Variants in COA1 observed in about 807,000 individuals in gnomAD.
The protein encoded by COA1 is cytochrome c oxidase assembly factor 1 homolog.
COA1 carries 13 observed loss-of-function variants against 16.0 expected under a neutral mutation model. That is an observed-to-expected ratio of 0.81 (90% CI 0.53 to 1.29). COA1 has a LOEUF of 1.29. COA1 is among the 50% of genes most tolerant of loss of function. The pLI is 0.00. For synonymous variants in COA1, 65 were observed against 65.7 expected (o/e 0.99, Z 0.05); for missense variants, 179 against 177.0 (o/e 1.01, Z -0.06).
chr7:43,659,537 A>G (rs1467828355), intron 1 of COA1, among the ~76,000 whole-genome samples: 3 of 152,254 alleles, frequency 2.0e-5, no homozygotes. Flanking sequence ...GCAAATGAAT[A>G]TGAGTAGGGC....
At chr7:43,615,006 C>T (rs1016327758) in intron 6 of COA1, among the ~76,000 whole-genome samples, 1 of 152,118 alleles carries the variant, frequency 6.6e-6, no homozygotes, top group African/African-American at 2.4e-5. Flanking sequence ...ACAAGAAAAT[C>T]TCAAGATTTG....
At chr7:43,654,708 A>G (rs140575363) in intron 1 of COA1, among the ~76,000 whole-genome samples, 1 of 152,236 alleles carries the variant, frequency 6.6e-6, no homozygotes, top group Non-Finnish European at 1.5e-5. Context: ...AAATAACTAG[A>G]GTAAATGGAA....
chr7:43,651,628 T>G (rs186503705), intron 1 of COA1, among the ~76,000 whole-genome samples: 1 of 130,636 alleles, frequency 7.7e-6, no homozygotes, highest in African/African-American at 3.0e-5. Flanking sequence ...AAGGCAAGGG[T>G]GGAAGCAGGA....
At chr7:43,681,444 A>G (rs1402473441) in intron 1 of COA1, among the ~76,000 whole-genome samples, 2 of 152,210 alleles carry the variant, frequency 1.3e-5, no homozygotes, top group Non-Finnish European at 2.9e-5. Context: ...AATAAATCAT[A>G]TTCAATATTA....
At chr7:43,685,062 TCAC>T (rs2093956709) in intron 1 of COA1, among the ~76,000 whole-genome samples, 1 of 149,856 alleles carries the variant, frequency 6.7e-6, no homozygotes, top group Non-Finnish European at 1.5e-5. Context: ...GGCAGAAGGA[TCAC>T]TTGAGCCCAG....
At chr7:43,674,390 GTTAC>G (rs1401640475) in intron 1 of COA1, among the ~76,000 whole-genome samples, 1 of 152,190 alleles carries the variant, frequency 6.6e-6, no homozygotes, top group South Asian at 2.1e-4. Context: ...GAAACTGTGT[GTTAC>G]TTGTCTCATG....
At chr7:43,727,601 T>C (rs945023525) in intron 1 of COA1, among the ~76,000 whole-genome samples, 6 of 152,204 alleles carry the variant, frequency 3.9e-5, no homozygotes, top group African/African-American at 4.8e-5. Flanking sequence ...AAGAAGCCAG[T>C]TGAAAAAGAC....
At chr7:43,648,249 G>A (rs2089979525) in intron 2 of COA1, 1 of 390,702 alleles carries the variant, frequency 2.6e-6, no homozygotes, top group South Asian at 3.9e-5. Flanking sequence ...ATGTGATCTG[G>A]GAAAAGTCAT....
chr7:43,688,007 G>A (rs1166940059), intron 1 of COA1, among the ~76,000 whole-genome samples: 1 of 152,150 alleles, frequency 6.6e-6, no homozygotes. Context: ...GCTCTGATGG[G>A]TTTATCAGGG....
intron 1 of COA1, among the ~76,000 whole-genome samples, chr7:43,663,666 C>CAA (rs759423078): frequency 0.051 from 3,612 of 70,434 alleles, 258 homozygotes; most frequent in African/African-American, 0.17. Context: ...GACCCTATCT[C>CAA]AAAAAAAAAA....
At chr7:43,655,177 T>G (rs2091512485) in intron 1 of COA1, among the ~76,000 whole-genome samples, 1 of 152,204 alleles carries the variant, frequency 6.6e-6, no homozygotes, top group African/African-American at 2.4e-5. Flanking sequence ...TTTAATTATT[T>G]TTAGTATTTT....
intron 1 of COA1, among the ~76,000 whole-genome samples, chr7:43,669,305 C>T (rs67677839): frequency 0.15 from 22,358 of 152,116 alleles, 2,195 homozygotes; most frequent in Non-Finnish European, 0.21. Context: ...GCTCCAGAAA[C>T]GTTTCTTGTC....
At chr7:43,610,698 A>G (rs988159958) in intron 6 of COA1, among the ~76,000 whole-genome samples, 4 of 152,134 alleles carry the variant, frequency 2.6e-5, no homozygotes, top group African/African-American at 9.7e-5. Flanking sequence ...CACATTCCGT[A>G]ATACCTTTGT....
At chr7:43,635,742 T>C (rs149926894), downstream of COA1, among the ~76,000 whole-genome samples, 443 of 152,340 alleles carry the variant, frequency 2.9e-3, 1 homozygote, top group Non-Finnish European at 5.4e-3. Flanking sequence ...TTTTGAATAT[T>C]TGCATCAACC....
At chr7:43,721,752 T>G (rs1240753544) in intron 1 of COA1, among the ~76,000 whole-genome samples, 1 of 151,808 alleles carries the variant, frequency 6.6e-6, no homozygotes, top group Non-Finnish European at 1.5e-5. Flanking sequence ...AAATTTATAA[T>G]ATAAAAAGTT....
chr7:43,651,381 C>G (rs931329884), intron 1 of COA1, among the ~76,000 whole-genome samples: 2 of 152,208 alleles, frequency 1.3e-5, no homozygotes, highest in Admixed American at 1.3e-4. Context: ...TAACTCTGCT[C>G]TGATACACAA....
At chr7:43,633,267 T>G (rs893042783) in intron 6 of COA1, 4 of 152,240 alleles carry the variant, frequency 2.6e-5, no homozygotes, top group African/African-American at 7.2e-5. Flanking sequence ...TGGAGATGGC[T>G]TCTTTACTTA....
chr7:43,711,732 G>C (rs1204568171), intron 1 of COA1, among the ~76,000 whole-genome samples: 1 of 152,154 alleles, frequency 6.6e-6, no homozygotes. Context: ...GGTACAGCAT[G>C]TCACTGTACT....
rs1195704909 is a variant in COA1 at position 43,729,473 on chromosome 7, C to T, written c.-83G>A. The T allele has an allele frequency of 6.6e-6, 1 of 152,348 alleles. No homozygotes were observed. 9.4% of individuals were successfully genotyped at this position (152,348 alleles called of 1,614,324 possible). A position where few individuals can be genotyped will look rare whatever the true frequency, so the allele number is the denominator to read the frequency against. On this transcript the variant is annotated 5_prime_UTR_variant, in exon 1 of 6. Transcript: ENST00000223336. Reference sequence around the variant, plus strand: ...CACGCTACAAAGAGCATGACGAGTTCTTCCAGGCTTGGGAAAGCACGGGTA... The same window carrying T: ...CACGCTACAAAGAGCATGACGAGTTTTTCCAGGCTTGGGAAAGCACGGGTA...
Sources: allele counts gnomAD v4.1 joint callset (sites outside exome capture counted in the v4.1 genomes callset), GRCh38; gene constraint gnomAD v4.1.1; transcripts MANE v1.5; gene names NCBI Gene and HGNC (gene_info 2026-07-23, HGNC 2026-07-21).